Variants in ADAM17 observed in about 807,000 individuals in gnomAD.
ADAM17 encodes disintegrin and metalloproteinase domain-containing protein 17.
In ADAM17, 39 loss-of-function variants were observed where a neutral mutation model predicts 96.7. That is an observed-to-expected ratio of 0.40 (90% CI 0.31 to 0.53). The LOEUF (loss-of-function observed/expected upper bound fraction) is 0.53, where lower values mean the gene tolerates loss of function less well. Ranked by LOEUF, ADAM17 falls within the 20% of genes least tolerant of loss-of-function variation. ADAM17 has a pLI of 0.44. For synonymous variants in ADAM17, 344 were observed against 359.2 expected (o/e 0.96, Z 0.48); for missense variants, 777 against 1,013.2 (o/e 0.77, Z 3.17).
chr2:9,507,968 T>C (rs1410003186), intron 11 of ADAM17, among the ~76,000 whole-genome samples: 2 of 152,186 alleles, frequency 1.3e-5, no homozygotes, highest in Non-Finnish European at 2.9e-5. Context: ...CACCTCGGCC[T>C]CTCAAAGTGC....
In ADAM17 at chr2:9,542,884, G is replaced by A. The variant is rs143200991; in HGVS notation, c.230+269C>T. On this transcript the variant is annotated intron_variant, in intron 2 of 18. Transcript: ENST00000310823. ...AATTTTTGTACTTTTAGTAGAGACG[G>A]GGTTTTGCCATGTTGCCCAGGCTGA... 2.6e-4 allele frequency among the ~76,000 whole-genome samples: 39 copies of A among 152,106 alleles called. No homozygotes were observed. The East Asian group carries it at 7.5e-3, about 29-fold the overall frequency.
chr2:9,509,917 A>C, intron 11 of ADAM17, 62 bp downstream of exon 11: 3 of 1,584,516 alleles, frequency 1.9e-6, no homozygotes, highest in Non-Finnish European at 2.6e-6. Context: ...CTGAGCTCTC[A>C]TTATGATCAT....
intron 11 of ADAM17, among the ~76,000 whole-genome samples, chr2:9,506,219 G>A: frequency 6.6e-6 from 1 of 152,070 alleles, no homozygotes; most frequent in Admixed American, 6.5e-5. Flanking sequence ...TGAAGCCCCT[G>A]AGAGCCAAGT....
intron 14 of ADAM17, among the ~76,000 whole-genome samples, chr2:9,496,124 T>TTTAC (rs1662577123): frequency 6.6e-6 from 1 of 152,000 alleles, no homozygotes; most frequent in Non-Finnish European, 1.5e-5. Context: ...TATTTTATTT[T>TTTAC]TTACTTATTT....
intron 10 of ADAM17, among the ~76,000 whole-genome samples, chr2:9,514,525 ATATATATATATATATATAT>A (rs1663939095): frequency 3.5e-4 from 2 of 5,722 alleles, no homozygotes; most frequent in African/African-American, 1.5e-3. Flanking sequence ...ATAAATATAT[ATATATATATATATATATAT>A]ATATATATAT....
intron 10 of ADAM17, among the ~76,000 whole-genome samples, chr2:9,514,986 G>A (rs761116154): frequency 7.2e-5 from 11 of 152,106 alleles, no homozygotes; most frequent in Admixed American, 1.3e-4. Flanking sequence ...TGATCCTCCC[G>A]CGTAGCTGGG....
At chr2:9,551,680 C>T (rs534890754) in intron 1 of ADAM17, among the ~76,000 whole-genome samples, 4 of 152,152 alleles carry the variant, frequency 2.6e-5, no homozygotes, top group Middle Eastern at 3.2e-3. Flanking sequence ...AGGATGGTCT[C>T]GATCTCCTGA....
chr2:9,543,208 C>T lies in ADAM17; in HGVS notation c.175G>A (p.Asp59Asn), dbSNP rs765061007. Reference protein sequence around the residue: ...NIQQHSVRKRDLQTSTHVETL... With the variant: ...NIQQHSVRKRNLQTSTHVETL... ...TCTACATGTGTTGAAGTCTGTAGAT[C>T]TCTTTTTCTTACCGAATGCTGCTGG... Residue 59 changes from aspartate (D) to asparagine (N), a missense_variant, in exon 2 of 19, where the codon GAT becomes AAT. This residue lies in a region of ADAM17 where 134 missense variants were observed against 129.1 expected (regional missense o/e 1.04). Coordinates refer to ENST00000310823, the MANE Select transcript of ADAM17 (RefSeq NM_003183.6). The T allele has an allele frequency of 6.2e-7, 1 of 1,610,596 alleles. No homozygotes were observed. Among genetic ancestry groups the T allele is most frequent in the Non-Finnish European group, 8.5e-7 (1 of 1,178,412 alleles).
At chr2:9,523,496 G>C (rs1158942087) in intron 6 of ADAM17, 158 bp from the exon 7 acceptor site, 1 of 599,222 alleles carries the variant, frequency 1.7e-6, no homozygotes, top group Non-Finnish European at 2.9e-6. Context: ...TACTGTATCA[G>C]AGTATTCCCA....
Position 9,521,284 on chromosome 2 carries a change from T to G in ADAM17, c.876A>C (p.Lys292Asn). 1 of 1,611,202 alleles carries G rather than the reference T, an allele frequency of 6.2e-7. No homozygotes were observed. Among genetic ancestry groups the G allele is most frequent in the Non-Finnish European group, 8.5e-7 (1 of 1,177,458 alleles). ...CCATGTTGTAGTGCTTTTCACCAGG[T>G]TTTACCTCTTGTGGAGACTTGAGAA... The part of the protein sequence containing the change: ...IRILKSPQEV[K>N]PGEKHYNMAK... Residue 292 changes from lysine (K) to asparagine (N), a missense_variant, in exon 8 of 19, where the codon AAA (lysine) becomes AAC (asparagine). Physicochemically the swap from Lys to Asn is moderately conservative, Grantham distance 94. Coordinates refer to ENST00000310823, the MANE Select transcript of ADAM17 (RefSeq NM_003183.6).
At chr2:9,494,116 A>G (rs1662372038) in intron 15 of ADAM17, among the ~76,000 whole-genome samples, 1 of 152,186 alleles carries the variant, frequency 6.6e-6, no homozygotes, top group Non-Finnish European at 1.5e-5. Context: ...GACTCTACAC[A>G]TACACAGTGG....
chr2:9,555,729 T>C lies in ADAM17; in HGVS notation c.-124A>G. 1.1e-5 allele frequency: 8 copies of C among 751,622 alleles called. No homozygotes were observed. The South Asian group carries it at 2.3e-4, about 22-fold the overall frequency. 46.6% of individuals were successfully genotyped at this position (751,622 alleles called of 1,614,324 possible). A position where few individuals can be genotyped will look rare whatever the true frequency, so the allele number is the denominator to read the frequency against. Reference sequence around the variant, plus strand: ...CCTAGCCCCTCAATCCTCTTTTCCCTCCCGCGCCGCCTACTGGGAAGATTC... The same window carrying C: ...CCTAGCCCCTCAATCCTCTTTTCCCCCCCGCGCCGCCTACTGGGAAGATTC... On this transcript the variant is annotated 5_prime_UTR_variant, in exon 1 of 19. Transcript: ENST00000310823.
chr2:9,523,225 T>C, intron 7 of ADAM17, 24 bp downstream of exon 7: 1 of 1,524,626 alleles, frequency 6.6e-7, no homozygotes, highest in East Asian at 2.3e-5. Context: ...TTAAGTAATA[T>C]AAGCCATATC....
At chr2:9,555,323 C>G (rs952106844) in intron 1 of ADAM17, among the ~76,000 whole-genome samples, 186 bp downstream of exon 1, 1 of 152,184 alleles carries the variant, frequency 6.6e-6, no homozygotes, top group African/African-American at 2.4e-5. Flanking sequence ...CACTCAGAGA[C>G]AGGCCCATCT....
At chr2:9,536,224 G>T (rs1664953794) in intron 3 of ADAM17, among the ~76,000 whole-genome samples, 1 of 152,148 alleles carries the variant, frequency 6.6e-6, no homozygotes, top group African/African-American at 2.4e-5. Context: ...CAGAAAGCAT[G>T]ATTTAGAATG....
At chr2:9,551,803 G>C (rs1318076752) in intron 1 of ADAM17, among the ~76,000 whole-genome samples, 1 of 152,144 alleles carries the variant, frequency 6.6e-6, no homozygotes, top group East Asian at 1.9e-4. Context: ...AAAAAAGTTT[G>C]TGTACAACGA....
chr2:9,511,606 T>C (rs549110446), intron 10 of ADAM17, among the ~76,000 whole-genome samples: 1 of 152,380 alleles, frequency 6.6e-6, no homozygotes, highest in African/African-American at 2.4e-5. Flanking sequence ...GATTATCAGA[T>C]GATTTCTATA....
intron 1 of ADAM17, among the ~76,000 whole-genome samples, chr2:9,550,290 C>G (rs777240605): frequency 1.3e-5 from 2 of 152,038 alleles, no homozygotes; most frequent in African/African-American, 4.8e-5. Context: ...ATCAAGAGCT[C>G]CTCAACAGAC....
At chr2:9,551,906 T>C (rs541653324) in intron 1 of ADAM17, among the ~76,000 whole-genome samples, 1 of 152,346 alleles carries the variant, frequency 6.6e-6, no homozygotes, top group South Asian at 2.1e-4. Flanking sequence ...TGATTTTACA[T>C]GCTACAATAA....
Sources: allele counts gnomAD v4.1 joint callset (sites outside exome capture counted in the v4.1 genomes callset), GRCh38; gene constraint gnomAD v4.1.1; regional missense constraint gnomAD v4.1.1; transcripts MANE v1.5; gene names NCBI Gene and HGNC (gene_info 2026-07-23, HGNC 2026-07-21).